KCNB2: variants seen among roughly 807,000 people sequenced by gnomAD.
KCNB2 encodes potassium voltage-gated channel subfamily B member 2.
KCNB2 carries 15 observed loss-of-function variants against 61.5 expected under a neutral mutation model. The observed-to-expected ratio is 0.24, with a 90% CI of 0.16 to 0.38. The LOEUF (loss-of-function observed/expected upper bound fraction) is 0.38. Among genes scored for constraint, KCNB2 ranks in the 10% least tolerant of loss-of-function variants. KCNB2 has a pLI of 1.00. For synonymous variants in KCNB2, 457 were observed against 446.0 expected (o/e 1.02, Z -0.31); for missense variants, 828 against 1,125.2 (o/e 0.74, Z 3.78).
chr8:72,930,047 A>G (rs1420723327), intron 2 of KCNB2, among the ~76,000 whole-genome samples: 1 of 147,148 alleles, frequency 6.8e-6, no homozygotes, highest in African/African-American at 2.5e-5. Flanking sequence ...AAAACATGCA[A>G]TGTTTGGTTT....
At chr8:72,545,508 A>G (rs900579224) in intron 1 of KCNB2, among the ~76,000 whole-genome samples, 1 of 152,196 alleles carries the variant, frequency 6.6e-6, no homozygotes, top group Non-Finnish European at 1.5e-5. Context: ...TTGTGCCCAT[A>G]TAAGATGGTA....
chr8:72,690,509 T>C (rs1378724525), intron 2 of KCNB2, among the ~76,000 whole-genome samples: 4 of 152,220 alleles, frequency 2.6e-5, no homozygotes, highest in Admixed American at 6.5e-5. Context: ...TACACATGCG[T>C]GCATCTCTCA....
intron 2 of KCNB2, among the ~76,000 whole-genome samples, chr8:72,829,196 T>A (rs10957622): frequency 0.22 from 33,396 of 152,228 alleles, 4,047 homozygotes; most frequent in Non-Finnish European, 0.28. Context: ...AATTTATGGA[T>A]GTTGGAGGCC....
intron 2 of KCNB2, among the ~76,000 whole-genome samples, chr8:72,572,720 C>G (rs1315000314): frequency 2.0e-5 from 3 of 152,094 alleles, no homozygotes; most frequent in Non-Finnish European, 1.5e-5. Flanking sequence ...TCATCAATAG[C>G]TCCCTAAGGA....
intron 2 of KCNB2, among the ~76,000 whole-genome samples, chr8:72,618,483 G>A (rs1175100900): frequency 6.6e-6 from 1 of 152,128 alleles, no homozygotes; most frequent in Non-Finnish European, 1.5e-5. Flanking sequence ...GAACACTAGT[G>A]AAAGAATTTT....
At chr8:72,847,442 C>T (rs1210374383) in intron 2 of KCNB2, among the ~76,000 whole-genome samples, 1 of 152,222 alleles carries the variant, frequency 6.6e-6, no homozygotes, top group Non-Finnish European at 1.5e-5. Flanking sequence ...AGTGCTTCTA[C>T]AAACAAGTCT....
chr8:72,767,215 C>A (rs1286690613), intron 2 of KCNB2, among the ~76,000 whole-genome samples: 1 of 152,178 alleles, frequency 6.6e-6, no homozygotes, highest in Non-Finnish European at 1.5e-5. Flanking sequence ...GTTATCTTTA[C>A]ACTAATACGT....
At chr8:72,592,880 A>T (rs1317019055) in intron 2 of KCNB2, among the ~76,000 whole-genome samples, 1 of 152,188 alleles carries the variant, frequency 6.6e-6, no homozygotes, top group Non-Finnish European at 1.5e-5. Context: ...AAAACCAAAA[A>T]TATCCATACA....
intron 2 of KCNB2, among the ~76,000 whole-genome samples, chr8:72,870,204 G>C (rs1805593953): frequency 6.6e-6 from 1 of 152,014 alleles, no homozygotes; most frequent in Admixed American, 6.6e-5. Flanking sequence ...AGAAATGGGG[G>C]GTTGCTGTTC....
At chr8:72,926,182 G>A (rs1418165938) in intron 2 of KCNB2, among the ~76,000 whole-genome samples, 1 of 152,088 alleles carries the variant, frequency 6.6e-6, no homozygotes, top group East Asian at 1.9e-4. Context: ...GATCTGTGCA[G>A]CAAACCACGT....
chr8:72,687,614 C>T (rs1425721069), intron 2 of KCNB2, among the ~76,000 whole-genome samples: 1 of 152,116 alleles, frequency 6.6e-6, no homozygotes, highest in Admixed American at 6.6e-5. Flanking sequence ...GCCGTTAACC[C>T]TAAGGCCACA....
intron 2 of KCNB2, among the ~76,000 whole-genome samples, chr8:72,846,416 C>T (rs13250939): frequency 0.18 from 27,538 of 152,126 alleles, 3,188 homozygotes; most frequent in Non-Finnish European, 0.26. Context: ...CAAATGGGAT[C>T]TAATTAAACT....
intron 2 of KCNB2, among the ~76,000 whole-genome samples, chr8:72,892,892 G>A (rs35024470): frequency 0.052 from 7,939 of 152,128 alleles, 294 homozygotes; most frequent in Non-Finnish European, 0.08. Flanking sequence ...TCTAAAAGCA[G>A]CAAATGTACT....
intron 2 of KCNB2, among the ~76,000 whole-genome samples, chr8:72,821,940 GT>G (rs1563395273): frequency 6.6e-6 from 1 of 152,106 alleles, no homozygotes; most frequent in Non-Finnish European, 1.5e-5. Context: ...CAGTTACCAA[GT>G]CCAGTGGATT....
chr8:72,589,988 A>G (rs1482064058), intron 2 of KCNB2, among the ~76,000 whole-genome samples: 1 of 152,176 alleles, frequency 6.6e-6, no homozygotes, highest in African/African-American at 2.4e-5. Context: ...GGCTCTTATA[A>G]TGATTTTTAC....
At chr8:72,851,783 C>T (rs910206884) in intron 2 of KCNB2, among the ~76,000 whole-genome samples, 2 of 118,754 alleles carry the variant, frequency 1.7e-5, no homozygotes, top group Non-Finnish European at 3.3e-5. Flanking sequence ...TTGAGCAAAG[C>T]GTTCTTTCTT....
At chr8:72,928,681 G>GAAAC (rs1490136418) in intron 2 of KCNB2, among the ~76,000 whole-genome samples, 2 of 143,730 alleles carry the variant, frequency 1.4e-5, no homozygotes, top group Non-Finnish European at 3.1e-5. Context: ...CACACACACA[G>GAAAC]ACACACACAC....
intron 2 of KCNB2, among the ~76,000 whole-genome samples, chr8:72,861,224 G>A (rs182143110): frequency 1.1e-4 from 17 of 152,304 alleles, no homozygotes; most frequent in African/African-American, 4.1e-4. Flanking sequence ...ATTTGCTAAT[G>A]TCCCCAATGG....
chr8:72,743,843 G>A (rs1042904391), intron 2 of KCNB2, among the ~76,000 whole-genome samples: 1 of 151,482 alleles, frequency 6.6e-6, no homozygotes, highest in Non-Finnish European at 1.5e-5. Flanking sequence ...CTAAAACTTT[G>A]CCCTTAGAAA....
Sources: gnomAD v4.1 joint callset for allele counts (sites outside exome capture counted in the v4.1 genomes callset) on GRCh38, gnomAD v4.1.1 for gene constraint, MANE v1.5 for transcripts, NCBI Gene and HGNC (gene_info 2026-07-23, HGNC 2026-07-21) for gene names.